GTF2H1: variants seen among roughly 807,000 people sequenced by gnomAD.
GTF2H1 encodes BTF2 p62.
In GTF2H1, 16 loss-of-function variants were observed where a neutral mutation model predicts 71.2. The ratio of observed to expected loss-of-function variants is 0.22; its 90% CI spans 0.15 to 0.34. GTF2H1 has a LOEUF of 0.34. Among genes scored for constraint, GTF2H1 ranks in the 10% least tolerant of loss-of-function variants. The pLI is 1.00. For synonymous variants in GTF2H1, 215 were observed against 219.0 expected (o/e 0.98, Z 0.16); for missense variants, 498 against 648.2 (o/e 0.77, Z 2.52).
chr11:18,344,616 CAAAAAA>C (rs201176508), intron 7 of GTF2H1, among the ~76,000 whole-genome samples: 4 of 100,488 alleles, frequency 4.0e-5, no homozygotes, highest in African/African-American at 3.8e-5. Context: ...GAGACTGTCT[CAAAAAA>C]AAAAAAAAAA....
chr11:18,347,572 C>G lies in GTF2H1; in HGVS notation c.838-16C>G. The G allele has an allele frequency of 6.5e-7, 1 of 1,545,426 alleles. No individual in the cohort carries two copies. The highest frequency in any genetic ancestry group is 8.7e-7 in the Non-Finnish European group (1 of 1,147,134). On this transcript the variant is annotated splice_polypyrimidine_tract_variant and intron_variant, in intron 7 of 14. Coordinates refer to ENST00000265963, the MANE Select transcript of GTF2H1 (RefSeq NM_005316.4). ...AGAACCTTTTTAAAAAATTTTTAAT[C>G]TATTATTTCTCACAGGGCTATGGCA...
At chr11:18,336,757 A>ATT (rs10652759) in intron 3 of GTF2H1, among the ~76,000 whole-genome samples, 3,046 of 145,790 alleles carry the variant, frequency 0.021, 42 homozygotes, top group Middle Eastern at 0.045. Flanking sequence ...AATAATGAGA[A>ATT]TTTTTTTTTT....
chr11:18,331,659 T>C (rs1344648444), intron 1 of GTF2H1, among the ~76,000 whole-genome samples: 1 of 150,484 alleles, frequency 6.6e-6, no homozygotes, highest in Non-Finnish European at 1.5e-5. Context: ...AAAGTGAAAC[T>C]CCGTCTCAAA....
chr11:18,336,016 T>A, intron 3 of GTF2H1, 70 bp downstream of exon 3: 3 of 1,045,700 alleles, frequency 2.9e-6, no homozygotes, highest in Non-Finnish European at 2.7e-6. Flanking sequence ...TGCTAATAGC[T>A]TGTTAGCTAT....
chr11:18,328,933 C>T (rs1191049536), intron 1 of GTF2H1, among the ~76,000 whole-genome samples: 2 of 151,836 alleles, frequency 1.3e-5, no homozygotes, highest in Non-Finnish European at 2.9e-5. Context: ...GAAGGGAAAA[C>T]TCTCAAAGTC....
intron 1 of GTF2H1, among the ~76,000 whole-genome samples, chr11:18,331,006 T>A (rs936997061): frequency 4.6e-5 from 7 of 152,128 alleles, no homozygotes; most frequent in African/African-American, 1.7e-4. Flanking sequence ...TCTAACTCAT[T>A]GTTTGAGCGA....
At chr11:18,345,644 A>G (rs1216215658) in intron 7 of GTF2H1, among the ~76,000 whole-genome samples, 1 of 151,742 alleles carries the variant, frequency 6.6e-6, no homozygotes, top group Non-Finnish European at 1.5e-5. Context: ...GATCATAGGC[A>G]CACACCACGC....
intron 7 of GTF2H1, chr11:18,341,937 A>G (rs769383618): frequency 8.8e-5 from 16 of 181,446 alleles, no homozygotes; most frequent in African/African-American, 2.4e-5. Flanking sequence ...ATATGGATAA[A>G]TTAATAAATA....
chr11:18,348,604 A>C (rs985019611), intron 9 of GTF2H1: 1 of 152,246 alleles, frequency 6.6e-6, no homozygotes, highest in Non-Finnish European at 1.5e-5. Flanking sequence ...ACAGTATCAT[A>C]ATAAAGACAG....
intron 3 of GTF2H1, among the ~76,000 whole-genome samples, chr11:18,336,554 C>G (rs1376615572): frequency 6.6e-6 from 1 of 152,152 alleles, no homozygotes; most frequent in African/African-American, 2.4e-5. Flanking sequence ...CGAGAATGTG[C>G]AAACCCAGAA....
intron 11 of GTF2H1, among the ~76,000 whole-genome samples, 192 bp downstream of exon 11, chr11:18,352,638 A>G (rs1262337158): frequency 1.3e-5 from 2 of 152,228 alleles, no homozygotes; most frequent in African/African-American, 4.8e-5. Flanking sequence ...TGAAGATAAG[A>G]TGATAATGAA....
At chr11:18,336,663 A>T (rs534864413) in intron 3 of GTF2H1, among the ~76,000 whole-genome samples, 87 of 152,326 alleles carry the variant, frequency 5.7e-4, no homozygotes, top group African/African-American at 1.9e-3. Flanking sequence ...TCTCTGTCAC[A>T]GAGAAGATGC....
chr11:18,329,959 A>G (rs1339137395), intron 1 of GTF2H1, among the ~76,000 whole-genome samples: 1 of 152,194 alleles, frequency 6.6e-6, no homozygotes, highest in Non-Finnish European at 1.5e-5. Flanking sequence ...GTGGTGATAG[A>G]AATCAGAGTA....
At chr11:18,362,168 AT>A (rs1269311402) in intron 14 of GTF2H1, among the ~76,000 whole-genome samples, 2 of 152,160 alleles carry the variant, frequency 1.3e-5, no homozygotes, top group Admixed American at 1.3e-4. Flanking sequence ...CCTGTACAGC[AT>A]AGTACTGTAC....
chr11:18,349,768 A>G (rs939566854), intron 9 of GTF2H1, among the ~76,000 whole-genome samples: 8 of 152,244 alleles, frequency 5.3e-5, no homozygotes, highest in African/African-American at 1.4e-4. Context: ...CTACATCCCA[A>G]TAAACTCATA....
chr11:18,345,609 C>T (rs181376895), intron 7 of GTF2H1, among the ~76,000 whole-genome samples: 1 of 151,806 alleles, frequency 6.6e-6, no homozygotes, highest in East Asian at 1.9e-4. Flanking sequence ...AGCACTTCTC[C>T]TCCCTCAGCT....
chr11:18,330,758 C>T (rs1437398656), intron 1 of GTF2H1, among the ~76,000 whole-genome samples: 2 of 152,220 alleles, frequency 1.3e-5, no homozygotes, highest in East Asian at 3.8e-4. Context: ...CACTTGCTCA[C>T]TGCCCTGGAA....
intron 11 of GTF2H1, among the ~76,000 whole-genome samples, chr11:18,356,950 C>A (rs1865567564): frequency 6.6e-6 from 1 of 151,904 alleles, no homozygotes; most frequent in African/African-American, 2.4e-5. Flanking sequence ...ACCACCATGC[C>A]CAACTAATTT....
chr11:18,335,968 T>C (rs1373899353), intron 3 of GTF2H1, 22 bp downstream of exon 3: 1 of 1,584,482 alleles, frequency 6.3e-7, no homozygotes, highest in East Asian at 2.2e-5. Flanking sequence ...AGAATAGCCT[T>C]TTGAAAGAGA....
Sources: gnomAD v4.1 joint callset for allele counts (sites outside exome capture counted in the v4.1 genomes callset) on GRCh38, gnomAD v4.1.1 for gene constraint, MANE v1.5 for transcripts, NCBI Gene and HGNC (gene_info 2026-07-23, HGNC 2026-07-21) for gene names.